The following UGGT1 variants were observed in gnomAD, a reference collection of about 807,000 sequenced individuals.
UGGT1 encodes UDP-glucose:glycoprotein glucosyltransferase 1.
UGGT1 carries 107 observed loss-of-function variants against 203.9 expected under a neutral mutation model. That is an observed-to-expected ratio of 0.52 (90% confidence interval 0.45 to 0.62). The LOEUF is 0.62. Ranked by LOEUF, UGGT1 falls within the 20% of genes least tolerant of loss-of-function variation. The pLI, the probability that UGGT1 is intolerant of heterozygous loss-of-function variation, is 0.00. For missense variants in UGGT1, 1,673 were observed against 1,867.2 expected (o/e 0.90, Z 1.92); for synonymous variants, 628 against 653.5 (o/e 0.96, Z 0.59).
At chr2:128,151,370 A>C in intron 18 of UGGT1, 1 of 423,220 alleles carries the variant, frequency 2.4e-6, no homozygotes. Flanking sequence ...CCTACTTTTA[A>C]AATTTTTATA....
At chr2:128,120,257 T>G in intron 8 of UGGT1, 99 bp from the exon 9 acceptor site, 1 of 1,098,662 alleles carries the variant, frequency 9.1e-7, no homozygotes, top group African/African-American at 1.6e-5. Flanking sequence ...TTTCCTAGGG[T>G]TGGGAGAGGA....
intron 34 of UGGT1, among the ~76,000 whole-genome samples, chr2:128,179,108 A>G (rs1159200660): frequency 2.0e-5 from 3 of 152,024 alleles, no homozygotes; most frequent in African/African-American, 7.2e-5. Context: ...ACTGTCAGGA[A>G]GGCCTGAGAG....
intron 7 of UGGT1, among the ~76,000 whole-genome samples, chr2:128,115,483 TAAAAAA>T (rs55952659): frequency 0.15 from 18,067 of 121,884 alleles, 1,197 homozygotes; most frequent in Non-Finnish European, 0.18. Flanking sequence ...TTTCATGTAC[TAAAAAA>T]AAAAAAAAAA....
chr2:128,160,531 G>C lies in UGGT1; in HGVS notation c.2634G>C (p.Val878=). ...SKMDFILSHA[V]YCRDVLKLKK... is the part of the protein sequence containing the mutation. ...TGGATTTCATTTTGTCTCATGCCGTGTACTGCAGGGATGTTCTGAAGCTGA... is the reference window on the plus strand; with the variant it reads ...TGGATTTCATTTTGTCTCATGCCGTCTACTGCAGGGATGTTCTGAAGCTGA... The change falls in exon 24 of 41, where the codon GTG becomes GTC. Residue 878 remains valine, a synonymous_variant. Coordinates refer to ENST00000259253, the MANE Select transcript of UGGT1 (RefSeq NM_020120.4). 1 of 1,613,512 alleles carries C rather than the reference G, an allele frequency of 6.2e-7. No homozygotes were observed. Among genetic ancestry groups the C allele is most frequent in the Non-Finnish European group, 8.5e-7 (1 of 1,179,852 alleles).
At chr2:128,168,353 G>A (rs554616210) in intron 26 of UGGT1, among the ~76,000 whole-genome samples, 4 of 152,274 alleles carry the variant, frequency 2.6e-5, no homozygotes, top group East Asian at 3.9e-4. Context: ...GCCAGAGATC[G>A]AAAGCACCTA....
In UGGT1 at chr2:128,170,279, A is replaced by G; in HGVS notation, c.2922-9A>G. 6.2e-7 allele frequency: 1 copy of G among 1,613,576 alleles called. No homozygotes were observed. Among genetic ancestry groups the G allele is most frequent in the Non-Finnish European group, 8.5e-7 (1 of 1,179,498 alleles). Reference sequence around the variant, plus strand: ...TCCAGGTTAATGTTTTATCCTTGTGATCTTTCAGTGCAATCAAACTGAGGC... The same window carrying G: ...TCCAGGTTAATGTTTTATCCTTGTGGTCTTTCAGTGCAATCAAACTGAGGC... On this transcript the variant is annotated splice_polypyrimidine_tract_variant and intron_variant, in intron 26 of 40. Transcript: ENST00000259253.
At chr2:128,149,340 C>A (rs775414190) in intron 18 of UGGT1, among the ~76,000 whole-genome samples, 1 of 149,978 alleles carries the variant, frequency 6.7e-6, no homozygotes, top group Non-Finnish European at 1.5e-5. Flanking sequence ...TCGTGCCTGG[C>A]CAGTATTCCA....
chr2:128,172,646 A>C lies in UGGT1; in HGVS notation c.3178A>C (p.Lys1060Gln). The C allele has an allele frequency of 6.2e-7, 1 of 1,614,134 alleles. No individual in the cohort carries two copies. The highest frequency in any genetic ancestry group is 1.3e-5 in the African/African-American group (1 of 75,044). Residue 1060 changes from lysine (K) to glutamine (Q), a missense_variant, in exon 29 of 41, where the codon AAA becomes CAA. Around this residue, in one of 4 missense-constraint regions of UGGT1, gnomAD observed 513 missense variants for 684.1 expected, o/e 0.75. Coordinates refer to ENST00000259253, the MANE Select transcript of UGGT1 (RefSeq NM_020120.4). ...DNSFAKGPIA[K>Q]FLDMPQSPLF... Reference sequence around the variant, plus strand: ...TAGTTTTGCTAAGGGTCCAATCGCAAAATTTTTGGATATGCCTCAGTCTCC... The same window carrying C: ...TAGTTTTGCTAAGGGTCCAATCGCACAATTTTTGGATATGCCTCAGTCTCC...
At chr2:128,170,016 A>G (rs1005463871) in intron 26 of UGGT1, among the ~76,000 whole-genome samples, 11 of 152,290 alleles carry the variant, frequency 7.2e-5, no homozygotes, top group African/African-American at 2.6e-4. Context: ...ATCAGAAGCT[A>G]ACTTCAGTAG....
In UGGT1 at chr2:128,173,815, A is replaced by G; in HGVS notation, c.3329A>G (p.Glu1110Gly). 1 of 1,614,004 alleles carries G rather than the reference A, an allele frequency of 6.2e-7. No individual in the cohort carries two copies. The highest frequency in any genetic ancestry group is 1.6e-4 in the Middle Eastern group (1 of 6,062). The change falls in exon 30 of 41, where the codon GAA becomes GGA. Residue 1110 changes from glutamate to glycine, a missense_variant. By Grantham distance (98) the Glu-to-Gly change is moderately conservative (BLOSUM62 -2). This residue lies in a region of UGGT1 where 513 missense variants were observed against 684.1 expected (regional missense o/e 0.75). Coordinates refer to ENST00000259253, the MANE Select transcript of UGGT1 (RefSeq NM_020120.4). ...DSVVAAEYEL[E>G]YLLLEGHCYD... Reference sequence around the variant, plus strand: ...GTAGTGGCTGCTGAGTATGAGCTGGAATACCTGTTACTGGAAGGTCATTGC... The same window carrying G: ...GTAGTGGCTGCTGAGTATGAGCTGGGATACCTGTTACTGGAAGGTCATTGC...
In UGGT1 at chr2:128,192,524, G is replaced by A. The variant is rs1260278831; in HGVS notation, c.*2782G>A. ...TTTTCTCTCTCAATCATGCCATAGTGGAGACTTTTGTTTGTGAGTAAGTGA... is the reference window on the plus strand; with the variant it reads ...TTTTCTCTCTCAATCATGCCATAGTAGAGACTTTTGTTTGTGAGTAAGTGA... On this transcript the variant is annotated 3_prime_UTR_variant, in exon 41 of 41. Coordinates refer to ENST00000259253, the MANE Select transcript of UGGT1 (RefSeq NM_020120.4). 6.6e-6 allele frequency: 1 copy of A among 152,148 alleles called. No individual in the cohort carries two copies. Among genetic ancestry groups the A allele is most frequent in the Non-Finnish European group, 1.5e-5 (1 of 68,034 alleles). 9.4% of individuals were successfully genotyped at this position (152,148 alleles called of 1,614,324 possible). A position where few individuals can be genotyped will look rare whatever the true frequency, so the allele number is the denominator to read the frequency against.
At chr2:128,159,383 G>A in intron 22 of UGGT1, 131 bp from the exon 23 acceptor site, 1 of 829,874 alleles carries the variant, frequency 1.2e-6, no homozygotes, top group Non-Finnish European at 1.9e-6. Flanking sequence ...ACAGGCATGA[G>A]CCACTGCGCC....
chr2:128,134,468 A>G (rs144477171), intron 14 of UGGT1, among the ~76,000 whole-genome samples: 81 of 152,370 alleles, frequency 5.3e-4, no homozygotes, highest in African/African-American at 1.7e-3. Flanking sequence ...ACGTGTTTAT[A>G]TGCTTGCCTG....
chr2:128,188,068 T>A (rs544384295), intron 40 of UGGT1, among the ~76,000 whole-genome samples: 17 of 151,086 alleles, frequency 1.1e-4, no homozygotes, highest in Non-Finnish European at 1.5e-4. Context: ...TTGCCCAGGC[T>A]GGAGTGCAGT....
intron 25 of UGGT1, 100 bp downstream of exon 25, chr2:128,161,368 G>T (rs1197347454): frequency 2.9e-6 from 4 of 1,389,368 alleles, no homozygotes; most frequent in Admixed American, 2.3e-5. Context: ...CATATCCCAA[G>T]GAGTTTTATT....
chr2:128,181,183 AGAAAATAT>A (rs746134945), intron 36 of UGGT1, 111 bp downstream of exon 36: 7 of 1,071,650 alleles, frequency 6.5e-6, no homozygotes, highest in Non-Finnish European at 9.4e-6. Flanking sequence ...TTTTACATTT[AGAAAATAT>A]GAAAATATGT....
At chr2:128,183,429 T>C (rs1333234517) in intron 37 of UGGT1, among the ~76,000 whole-genome samples, 1 of 152,244 alleles carries the variant, frequency 6.6e-6, no homozygotes, top group African/African-American at 2.4e-5. Context: ...AAATCTTTGG[T>C]CTGAGATTAT....
chr2:128,127,583 G>T (rs1688664968), intron 12 of UGGT1, 131 bp downstream of exon 12: 3 of 658,504 alleles, frequency 4.6e-6, no homozygotes, highest in Non-Finnish European at 8.0e-6. Context: ...CCACTGGGTG[G>T]ACGTAGGTAG....
intron 8 of UGGT1, among the ~76,000 whole-genome samples, chr2:128,117,480 T>G (rs1293517236): frequency 6.6e-6 from 1 of 152,130 alleles, no homozygotes; most frequent in Non-Finnish European, 1.5e-5. Flanking sequence ...AATGAAAGCA[T>G]CATCATAACC....
Sources: gnomAD v4.1 joint callset for allele counts (sites outside exome capture counted in the v4.1 genomes callset) on GRCh38, gnomAD v4.1.1 for gene constraint, gnomAD v4.1.1 regional missense constraint, MANE v1.5 for transcripts, NCBI Gene and HGNC (gene_info 2026-07-23, HGNC 2026-07-21) for gene names.